The following FLG2 variants were observed in gnomAD, a reference collection of about 807,000 sequenced individuals.
The protein encoded by FLG2 is filaggrin 2, also known as filaggrin-2.
In FLG2, 7 loss-of-function variants were observed where a neutral mutation model predicts 3.9. The observed-to-expected ratio is 1.79, with a 90% CI of 1.02 to 3.36. The LOEUF (loss-of-function observed/expected upper bound fraction) is 3.36, where lower values mean the gene tolerates loss of function less well. Among genes scored for constraint, FLG2 ranks in the 30% most tolerant of loss-of-function variants. FLG2 has a pLI of 0.00. For missense variants in FLG2, 2,700 were observed against 2,809.4 expected (o/e 0.96, Z 0.88); for synonymous variants, 1,031 against 1,056.1 (o/e 0.98, Z 0.46).
At position 152,354,201 on chromosome 1, in the gene FLG2, A is replaced by T; in HGVS notation, c.3585T>A (p.His1195Gln). 2 of 1,614,116 alleles carry T rather than the reference A, an allele frequency of 1.2e-6. No individual in the cohort carries two copies. The highest frequency in any genetic ancestry group is 2.7e-5 in the African/African-American group (2 of 75,028). ...GSDNFSSSGQ[H>Q]ISDSGQSTGF... ...CAGTGGACTGACCTGAGTCAGATAT[A>T]TGTTGTCCAGAACTAGAGAAATTGT... The change falls in exon 3 of 3, where the codon CAT (histidine) becomes CAA (glutamine). Residue 1195 changes from histidine to glutamine, a missense_variant. By Grantham distance (24) the His-to-Gln change is conservative (BLOSUM62 0). Transcript: ENST00000388718.
chr1:152,356,146 C>G lies in FLG2; in HGVS notation c.1640G>C (p.Gly547Ala). ...GCCAGATGATTGACTTGAGCCAGAA[C>G]CATGTTGGCCATAGCTAGACTGACG... ...RSRQSSYGQHGSGSSQSSGYG... is the reference protein window; with the variant it reads ...RSRQSSYGQHASGSSQSSGYG... Residue 547 changes from glycine to alanine, a missense_variant, in exon 3 of 3, where the codon GGT (glycine) becomes GCT (alanine). Gly to Ala is a moderately conservative substitution (Grantham distance 60). Transcript: ENST00000388718. 1.2e-6 allele frequency: 2 copies of G among 1,613,902 alleles called. No individual in the cohort carries two copies. Among genetic ancestry groups the G allele is most frequent in the Non-Finnish European group, 1.7e-6 (2 of 1,180,010 alleles).
rs12724005 is a variant in FLG2, at chr1:152,355,182, T to A, written c.2604A>T (p.Thr868=). ...TTGACCTGTGTTGTCCAAAGCCAGA[T>A]GTCTGTCCCGAACTTGACCCATGTT... is the stretch of plus-strand genomic sequence containing the variant. ...YGQHGSSSGQ[T]SGFGQHRSSS... Residue 868 remains threonine, a synonymous_variant, in exon 3 of 3, where the codon ACA becomes ACT. Coordinates refer to ENST00000388718, the MANE Select transcript of FLG2 (RefSeq NM_001014342.3). 2.0e-4 allele frequency: 297 copies of A among 1,451,968 alleles called. 119 individuals carry two copies. The highest frequency in any genetic ancestry group is 1.3e-3 in the South Asian group (102 of 76,580). The allele number at this position is 1,451,968 out of a possible 1,614,324, so 89.9% of individuals were successfully genotyped here. A position where few individuals can be genotyped will look rare whatever the true frequency, so the allele number is the denominator to read the frequency against.
In FLG2 at chr1:152,350,848, C is replaced by T. The variant is rs201036750; in HGVS notation, c.6938G>A (p.Gly2313Glu). Reference protein sequence around the residue: ...DTTRHGHSGYGQSTQTGSRSS... With the variant: ...DTTRHGHSGYEQSTQTGSRSS... The stretch of plus-strand genomic sequence containing the variant: ...TCTGGAACCTGTCTGTGTGGATTGT[C>T]CATAACCAGAATGGCCATGTCTAGT... The change falls in exon 3 of 3, where the codon GGA becomes GAA. Residue 2313 changes from glycine (G) to glutamate (E), a missense_variant. Coordinates refer to ENST00000388718, the MANE Select transcript of FLG2 (RefSeq NM_001014342.3). 12 of 1,614,176 alleles carry T rather than the reference C, an allele frequency of 7.4e-6. No individual in the cohort carries two copies. The Admixed American group carries it at 1.5e-4, about 20-fold the overall frequency.
At position 152,352,946 on chromosome 1, in the gene FLG2, G is replaced by A; in HGVS notation, c.4840C>T (p.His1614Tyr). Residue 1614 changes from histidine to tyrosine, a missense_variant, in exon 3 of 3, where the codon CAT becomes TAT. By Grantham distance (83) the His-to-Tyr change is moderately conservative. Coordinates refer to ENST00000388718, the MANE Select transcript of FLG2 (RefSeq NM_001014342.3). ...CCATGAGTAGTTCCGTGTCTCTCAT[G>A]AACTGTGAATTCTGGCTCTTCATGT... ...SQHEEPEFTV[H>Y]ERHGTTHGQI... 1.2e-6 allele frequency: 2 copies of A among 1,613,538 alleles called. No individual in the cohort carries two copies. The highest frequency in any genetic ancestry group is 1.1e-5 in the South Asian group (1 of 91,056).
Position 152,356,994 on chromosome 1 carries a change from C to T in FLG2, c.792G>A (p.Gly264=). 2 of 1,614,176 alleles carry T rather than the reference C, an allele frequency of 1.2e-6. No individual in the cohort carries two copies. Among genetic ancestry groups the T allele is most frequent in the African/African-American group, 1.3e-5 (1 of 75,044 alleles). The change falls in exon 3 of 3, where the codon GGG becomes GGA. Residue 264 remains glycine (G), a synonymous_variant. Transcript: ENST00000388718. ...TQSRIREQKL[G]SSCSGSGDSG... ...TGTCTCCTGAACCTGAACAGCTAGACCCAAGCTTTTGTTCTCTAATTCTTG... is the reference window on the plus strand; with the variant it reads ...TGTCTCCTGAACCTGAACAGCTAGATCCAAGCTTTTGTTCTCTAATTCTTG...
chr1:152,351,989 C>T lies in FLG2; in HGVS notation c.5797G>A (p.Gly1933Ser). Residue 1933 changes from glycine (G) to serine (S), a missense_variant, in exon 3 of 3, where the codon GGC becomes AGC. Transcript: ENST00000388718. The part of the protein sequence containing the change: ...HGQTGDTTEH[G>S]HPSHGQTIQT... The stretch of plus-strand genomic sequence containing the variant: ...ATGGTTTGTCCATGACTAGGGTGGC[C>T]ATGTTCAGTGGTATCTCCTGTCTGT... 1 of 1,613,050 alleles carries T rather than the reference C, an allele frequency of 6.2e-7. No individual in the cohort carries two copies. The highest frequency in any genetic ancestry group is 8.5e-7 in the Non-Finnish European group (1 of 1,179,814).
chr1:152,355,864 C>G lies in FLG2; in HGVS notation c.1922G>C (p.Gly641Ala). The G allele has an allele frequency of 6.2e-7, 1 of 1,611,954 alleles. No homozygotes were observed. Among genetic ancestry groups the G allele is most frequent in the Non-Finnish European group, 8.5e-7 (1 of 1,179,616 alleles). Reference sequence around the variant, plus strand: ...TGAGCCTGACCCATGTTGTCCAAAGCCAGATGTCTGTCTAGACCCATGTTG... The same window carrying G: ...TGAGCCTGACCCATGTTGTCCAAAGGCAGATGTCTGTCTAGACCCATGTTG... ...YGQHGSRQTS[G>A]FGQHGSGSSQ... is the part of the protein sequence containing the mutation. Residue 641 changes from glycine to alanine, a missense_variant, in exon 3 of 3, where the codon GGC (glycine) becomes GCC (alanine). By Grantham distance (60) the Gly-to-Ala change is moderately conservative. Coordinates refer to ENST00000388718, the MANE Select transcript of FLG2 (RefSeq NM_001014342.3).
In FLG2 at chr1:152,354,085, C is replaced by T. The variant is rs146820357; in HGVS notation, c.3701G>A (p.Gly1234Glu). The change falls in exon 3 of 3, where the codon GGG becomes GAG. Residue 1234 changes from glycine to glutamate, a missense_variant. By Grantham distance (98) the Gly-to-Glu change is moderately conservative (BLOSUM62 -2). Transcript: ENST00000388718. ...CTGACCATGAGTAGTTTCCTGTCTC[C>T]CATGAACTGTGGATCCTGACTCTAC... Reference protein sequence around the residue: ...QQVESGSTVHGRQETTHGQTI... With the variant: ...QQVESGSTVHERQETTHGQTI... 269 of 1,614,070 alleles carry T rather than the reference C, an allele frequency of 1.7e-4. 1 individual carries two copies. The highest frequency in any genetic ancestry group is 2.1e-4 in the Non-Finnish European group (251 of 1,180,050).
At chr1:152,359,029 A>T in intron 1 of FLG2, 123 bp from the exon 2 acceptor site, 1 of 870,582 alleles carries the variant, frequency 1.1e-6, no homozygotes, top group Non-Finnish European at 1.7e-6. Context: ...AAAACGTAAG[A>T]ATGGGCCAGG....
At chr1:152,359,594 C>G (rs1654373185) in intron 1 of FLG2, among the ~76,000 whole-genome samples, 2 of 152,102 alleles carry the variant, frequency 1.3e-5, no homozygotes, top group African/African-American at 4.8e-5. Flanking sequence ...GCTCTGGGAA[C>G]CAACACTGAA....
rs768927199 is a variant in FLG2 at position 152,357,581 on chromosome 1, A to G, written c.205T>C (p.Leu69=). The change falls in exon 3 of 3, where the codon TTG becomes CTG. Residue 69 remains leucine (L), a synonymous_variant. Transcript: ENST00000388718. ...ATCAAAAGAAACTCAGTAAAGTCCA[A>G]TCTTCTGTCATGATCTCGATCCAGC... ...HMLDRDHDRR[L]DFTEFLLMIF... is the part of the protein sequence containing the mutation. 13 of 1,613,892 alleles carry G rather than the reference A, an allele frequency of 8.1e-6. No individual in the cohort carries two copies. The highest frequency in any genetic ancestry group is 5.0e-5 in the Admixed American group (3 of 60,004).
chr1:152,352,277 C>T lies in FLG2; in HGVS notation c.5509G>A (p.Glu1837Lys), dbSNP rs1653972662. 5.0e-6 allele frequency: 8 copies of T among 1,613,764 alleles called. No individual in the cohort carries two copies. Among genetic ancestry groups the T allele is most frequent in the East Asian group, 2.2e-5 (1 of 44,814 alleles). Residue 1837 changes from glutamate to lysine, a missense_variant, in exon 3 of 3, where the codon GAA (glutamate) becomes AAA (lysine). By Grantham distance (56) the Glu-to-Lys change is moderately conservative. Coordinates refer to ENST00000388718, the MANE Select transcript of FLG2 (RefSeq NM_001014342.3). The part of the protein sequence containing the change: ...GQAGSQHGES[E>K]SIVDERHGTT... ...CCATGTCTCTCGTCAACTATGGATT[C>T]TGACTCTCCATGTTGAGATCCAGCC... is the stretch of plus-strand genomic sequence containing the variant.
rs769789866 is a variant in FLG2, at chr1:152,353,788, G to T, written c.3998C>A (p.Thr1333Lys). 5 of 1,614,052 alleles carry T rather than the reference G, an allele frequency of 3.1e-6. No homozygotes were observed. The Admixed American group carries it at 5.0e-5, about 16-fold the overall frequency. Residue 1333 changes from threonine to lysine, a missense_variant, in exon 3 of 3, where the codon ACA becomes AAA. Physicochemically the swap from Thr to Lys is moderately conservative, Grantham distance 78. Transcript: ENST00000388718. ...TCCAGATGTTCTGGAACCTGTCTGT[G>T]TAGACTGTCCATGACCAGAATGGCC... ...RHGHSGHGQS[T>K]QTGSRTSGRQ...
In FLG2 at chr1:152,351,101, T is replaced by C. The variant is rs1653893361; in HGVS notation, c.6685A>G (p.Thr2229Ala). ...TAACCATAGTGGGCATGTCTAGTGG[T>C]ATCTCCTGTCTGTCCATGAGTAGTT... ...QGTTHGQTGD[T>A]TRHAHYGYGQ... Residue 2229 changes from threonine (T) to alanine (A), a missense_variant, in exon 3 of 3, where the codon ACC becomes GCC. Thr to Ala is a moderately conservative substitution (Grantham distance 58). Transcript: ENST00000388718. The C allele has an allele frequency of 1.9e-6, 3 of 1,613,920 alleles. No individual in the cohort carries two copies. The highest frequency in any genetic ancestry group is 2.5e-6 in the Non-Finnish European group (3 of 1,179,984).
chr1:152,354,984 G>A lies in FLG2; in HGVS notation c.2802C>T (p.Gly934=), dbSNP rs745524457. 6.3e-7 allele frequency: 1 copy of A among 1,590,114 alleles called. No individual in the cohort carries two copies. The highest frequency in any genetic ancestry group is 8.5e-7 in the Non-Finnish European group (1 of 1,170,640). ...QHGSGSSQSS[G]YGQHGSSSGQ... ...CTGAACTTGACCCATGTTGACCATA[G>A]CCAGATGACTGACTTGAGCCAGAAC... Residue 934 remains glycine (G), a synonymous_variant, in exon 3 of 3, where the codon GGC becomes GGT. Transcript: ENST00000388718.
In FLG2 at chr1:152,350,094, C is replaced by T. The variant is rs1265844497; in HGVS notation, c.*516G>A. 6.1e-6 allele frequency: 1 copy of T among 165,094 alleles called. No individual in the cohort carries two copies. The highest frequency in any genetic ancestry group is 1.7e-4 in the East Asian group (1 of 5,860). 10.2% of individuals were successfully genotyped at this position (165,094 alleles called of 1,614,324 possible). On this transcript the variant is annotated 3_prime_UTR_variant, in exon 3 of 3. Coordinates refer to ENST00000388718, the MANE Select transcript of FLG2 (RefSeq NM_001014342.3). ...CTCTTGATGGCCCATGACTTAATAC[C>T]TATCTGGCAAAACCTGTGCTGGATC...
chr1:152,355,538 A>G lies in FLG2; in HGVS notation c.2248T>C (p.Ser750Pro), dbSNP rs746957602. The change falls in exon 3 of 3, where the codon TCT (serine) becomes CCT (proline). Residue 750 changes from serine to proline, a missense_variant. Coordinates refer to ENST00000388718, the MANE Select transcript of FLG2 (RefSeq NM_001014342.3). ...GQSSGFGQHG[S>P]GSGQSSGFGQ... ...AAGCCAGAGGATTGTCCTGAGCCAG[A>G]CCCATGTTGTCCAAAGCCAGAGGAC... is the stretch of plus-strand genomic sequence containing the variant. The G allele has an allele frequency of 3.1e-6, 5 of 1,612,520 alleles. No homozygotes were observed. The highest frequency in any genetic ancestry group is 4.2e-6 in the Non-Finnish European group (5 of 1,179,576).
rs200016086 is a variant in FLG2, at chr1:152,356,480, A to C, written c.1306T>G (p.Leu436Val). 1.2e-6 allele frequency: 2 copies of C among 1,614,268 alleles called. No individual in the cohort carries two copies. Among genetic ancestry groups the C allele is most frequent in the Non-Finnish European group, 8.5e-7 (1 of 1,180,036 alleles). Residue 436 changes from leucine to valine, a missense_variant, in exon 3 of 3, where the codon TTG becomes GTG. Transcript: ENST00000388718. ...STSFEQHGTG[L>V]SQSSGFEQHV... ...TGTTCGAACCCAGAGGACTGACTCA[A>C]GCCTGTTCCATGTTGTTCAAAGCTA...
At position 152,350,003 on chromosome 1, in the gene FLG2, C is replaced by T. The variant is rs1295700656; in HGVS notation, c.*607G>A. ...CTGTCATTTGACTACTCATAACTAT[C>T]ATTTGATTGGCCATGGCTGTATACT... On this transcript the variant is annotated 3_prime_UTR_variant, in exon 3 of 3. Transcript: ENST00000388718. 6.5e-6 allele frequency: 1 copy of T among 154,614 alleles called. No individual in the cohort carries two copies. Among genetic ancestry groups the T allele is most frequent in the Non-Finnish European group, 1.4e-5 (1 of 69,716 alleles). The allele number at this position is 154,614 out of a possible 1,614,324, so 9.6% of individuals were successfully genotyped here.
Sources: gnomAD v4.1 joint callset for allele counts (sites outside exome capture counted in the v4.1 genomes callset) on GRCh38, gnomAD v4.1.1 for gene constraint, MANE v1.5 for transcripts, NCBI Gene and HGNC (gene_info 2026-07-23, HGNC 2026-07-21) for gene names.